CHD9: variants seen among roughly 807,000 people sequenced by gnomAD.
CHD9 encodes chromodomain helicase DNA binding protein 9.
Under a neutral mutation model 316.1 loss-of-function variants are expected in CHD9, and 77 were observed. The observed-to-expected ratio is 0.24, with a 90% CI of 0.20 to 0.29. The LOEUF (loss-of-function observed/expected upper bound fraction) is 0.29, where lower values mean the gene tolerates loss of function less well. Among genes scored for constraint, CHD9 ranks in the 10% least tolerant of loss-of-function variants. CHD9 has a pLI of 1.00. For synonymous variants in CHD9, 1,129 were observed against 1,158.3 expected (o/e 0.97, Z 0.51); for missense variants, 2,763 against 3,438.1 (o/e 0.80, Z 4.91).
intron 37 of CHD9, among the ~76,000 whole-genome samples, chr16:53,319,538 T>A (rs2057124788): frequency 6.6e-6 from 1 of 152,176 alleles, no homozygotes; most frequent in Admixed American, 6.6e-5. Flanking sequence ...AAGAACAAGG[T>A]GACATTTCAG....
At chr16:53,173,507 C>T (rs976515819) in intron 2 of CHD9, among the ~76,000 whole-genome samples, 1 of 151,774 alleles carries the variant, frequency 6.6e-6, no homozygotes, top group Non-Finnish European at 1.5e-5. Flanking sequence ...ATGCTATCTT[C>T]ATTATTTCTT....
At chr16:53,312,105 A>G (rs1410019567) in intron 34 of CHD9, 2 of 152,192 alleles carry the variant, frequency 1.3e-5, no homozygotes, top group Non-Finnish European at 2.9e-5. Flanking sequence ...CAAATAGAAT[A>G]TGTTTGTAAA....
intron 1 of CHD9, among the ~76,000 whole-genome samples, chr16:53,133,187 A>T (rs1223225950): frequency 2.0e-5 from 3 of 152,174 alleles, no homozygotes; most frequent in Non-Finnish European, 4.4e-5. Context: ...TCAGGTAAGT[A>T]TGTATAGTAT....
At chr16:53,204,146 G>A (rs1168187050) in intron 2 of CHD9, among the ~76,000 whole-genome samples, 2 of 144,582 alleles carry the variant, frequency 1.4e-5, no homozygotes, top group Non-Finnish European at 3.0e-5. Context: ...GTGTGTGTGT[G>A]TGTATAACCT....
Position 53,324,215 on chromosome 16 carries a change from C to A in CHD9, c.8014C>A (p.Leu2672Ile). ...GLLPGVDLTT[L>I]QALQQNLQNL... is the part of the protein sequence containing the mutation. The stretch of plus-strand genomic sequence containing the variant: ...ACTTCCAGGTGTGGATCTCACAACT[C>A]TTCAGGCCTTACAACAAAACCTACA... Residue 2672 changes from leucine (L) to isoleucine (I), a missense_variant, in exon 39 of 39, where the codon CTT (leucine) becomes ATT (isoleucine). Physicochemically the swap from Leu to Ile is conservative, Grantham distance 5. Transcript: ENST00000447540. 6.2e-7 allele frequency: 1 copy of A among 1,613,360 alleles called. No homozygotes were observed. The highest frequency in any genetic ancestry group is 8.5e-7 in the Non-Finnish European group (1 of 1,179,682).
chr16:53,168,435 A>G (rs1272004916), intron 2 of CHD9: 1 of 152,048 alleles, frequency 6.6e-6, no homozygotes, highest in African/African-American at 2.4e-5. Flanking sequence ...ATATATATAG[A>G]TATATTAATA....
At chr16:53,102,874 C>A (rs1040718211) in intron 1 of CHD9, among the ~76,000 whole-genome samples, 3 of 151,950 alleles carry the variant, frequency 2.0e-5, no homozygotes, top group African/African-American at 7.2e-5. Context: ...GGGACAGAGT[C>A]TTGCTCTGTC....
chr16:53,159,601 A>G (rs1178458813), intron 2 of CHD9, among the ~76,000 whole-genome samples: 6 of 152,026 alleles, frequency 3.9e-5, no homozygotes, highest in African/African-American at 1.4e-4. Flanking sequence ...TGGATTGACT[A>G]TAGTTCTATT....
intron 2 of CHD9, among the ~76,000 whole-genome samples, chr16:53,199,017 C>CA (rs1007582078): frequency 1.4e-5 from 2 of 145,056 alleles, no homozygotes; most frequent in African/African-American, 2.5e-5. Flanking sequence ...TGCCACCAAA[C>CA]TTTTTTTTTT....
At position 53,245,867 on chromosome 16, in the gene CHD9, A is replaced by C. The variant is rs759082499; in HGVS notation, c.3454+17A>C. On this transcript the variant is annotated intron_variant, in intron 15 of 38. Transcript: ENST00000447540. The surrounding 1 kb of genome is among the most constrained non-coding windows in gnomAD (Gnocchi z 4.1). ...TTATAAAAGGTAGCTAAAAAAGATT[A>C]CAACAAATATGTTTTTTCTTGCAAC... The C allele has an allele frequency of 5.5e-6, 8 of 1,461,080 alleles. No homozygotes were observed. Among genetic ancestry groups the C allele is most frequent in the African/African-American group, 4.3e-5 (3 of 70,092 alleles). The allele number at this position is 1,461,080 out of a possible 1,614,324, so 90.5% of individuals were successfully genotyped here.
At chr16:53,215,146 G>A (rs1567494318) in intron 3 of CHD9, among the ~76,000 whole-genome samples, 1 of 152,260 alleles carries the variant, frequency 6.6e-6, no homozygotes, top group East Asian at 1.9e-4. Context: ...TCGATCTCCT[G>A]ACCTCGCGAT....
chr16:53,314,234 G>A, intron 34 of CHD9, 143 bp from the exon 35 acceptor site: 1 of 512,612 alleles, frequency 2.0e-6, no homozygotes, highest in South Asian at 4.5e-5. Flanking sequence ...GAGAGGTGGG[G>A]ATGATATTTT....
intron 1 of CHD9, among the ~76,000 whole-genome samples, chr16:53,093,287 G>C (rs1228833586): frequency 6.6e-6 from 1 of 152,074 alleles, no homozygotes; most frequent in African/African-American, 2.4e-5. Context: ...TCTCTGAATC[G>C]CATTAACTCA....
chr16:53,199,905 A>G (rs531100624), intron 2 of CHD9, among the ~76,000 whole-genome samples: 1 of 152,226 alleles, frequency 6.6e-6, no homozygotes, highest in Non-Finnish European at 1.5e-5. Context: ...ATTTTGAACA[A>G]GTAAGTAATC....
At chr16:53,289,502 G>A (rs963903221) in intron 27 of CHD9, among the ~76,000 whole-genome samples, 1 of 152,148 alleles carries the variant, frequency 6.6e-6, no homozygotes, top group East Asian at 1.9e-4. Context: ...GTTCATAAAG[G>A]GAGAAATGAT....
intron 3 of CHD9, among the ~76,000 whole-genome samples, chr16:53,210,995 T>G (rs771170305): frequency 6.6e-6 from 1 of 152,108 alleles, no homozygotes; most frequent in East Asian, 1.9e-4. Flanking sequence ...TGAAAGTAAC[T>G]TATTTTTCCA....
intron 1 of CHD9, among the ~76,000 whole-genome samples, chr16:53,152,567 A>G (rs913300936): frequency 2.0e-5 from 3 of 152,192 alleles, no homozygotes; most frequent in African/African-American, 7.2e-5. Context: ...TACAAGTCAT[A>G]GTAAGGATTT....
intron 5 of CHD9, among the ~76,000 whole-genome samples, chr16:53,226,955 G>A (rs933734593): frequency 1.3e-5 from 2 of 152,038 alleles, no homozygotes; most frequent in Admixed American, 6.5e-5. Flanking sequence ...TTATGAACAC[G>A]TTTGCCTGAA....
chr16:53,248,568 C>T (rs1383695129), intron 16 of CHD9, among the ~76,000 whole-genome samples: 1 of 140,726 alleles, frequency 7.1e-6, no homozygotes, highest in African/African-American at 2.7e-5. Context: ...CTGTGTTGCC[C>T]AGGGTGTTGT....
Sources: gnomAD v4.1 joint callset for allele counts (sites outside exome capture counted in the v4.1 genomes callset) on GRCh38, gnomAD v4.1.1 for gene constraint, Gnocchi (gnomAD v3.1) non-coding constraint, MANE v1.5 for transcripts, NCBI Gene and HGNC (gene_info 2026-07-23, HGNC 2026-07-21) for gene names.